C3orf22: variants seen among roughly 807,000 people sequenced by gnomAD.
C3orf22 encodes chromosome 3 open reading frame 22.
A neutral mutation model predicts 10.8 loss-of-function variants in C3orf22; 7 were observed. That is an observed-to-expected ratio of 0.65 (90% CI 0.37 to 1.22). The LOEUF is 1.22. Among genes scored for constraint, C3orf22 ranks in the 50% most tolerant of loss-of-function variants. The probability of loss-of-function intolerance (pLI) is 0.02; values close to 1 mark genes in which losing one functional copy is unlikely to be tolerated. For missense variants in C3orf22, 173 were observed against 177.0 expected, an observed-to-expected ratio of 0.98 and a Z score of 0.13; for synonymous variants, 79 against 78.9, an observed-to-expected ratio of 1.00 and a Z score of 0.00.
Position 126,558,884 on chromosome 3 carries a change from T to G in C3orf22, c.-298A>C, listed in dbSNP as rs1293212632. 1.3e-5 allele frequency: 2 copies of G among 152,308 alleles called. No homozygotes were observed. Among genetic ancestry groups the G allele is most frequent in the African/African-American group, 4.8e-5 (2 of 41,460 alleles). 9.4% of individuals were successfully genotyped at this position (152,308 alleles called of 1,614,324 possible). A position where few individuals can be genotyped will look rare whatever the true frequency, so the allele number is the denominator to read the frequency against. On this transcript the variant is annotated 5_prime_UTR_variant, in exon 1 of 4. Coordinates refer to ENST00000318225, the MANE Select transcript of C3orf22 (RefSeq NM_152533.3). ...GACTGAAGCTGGCCATGGTCCCAGCTGCCACATTACCACAGGAACAGCAGC... is the reference window on the plus strand; with the variant it reads ...GACTGAAGCTGGCCATGGTCCCAGCGGCCACATTACCACAGGAACAGCAGC...
In C3orf22 at chr3:126,552,495, C is replaced by T. The variant is rs552913763; in HGVS notation, c.90-373G>A. 8.5e-4 allele frequency among the ~76,000 whole-genome samples: 129 copies of T among 152,202 alleles called. 2 individuals are homozygous for T. The highest frequency in any genetic ancestry group is 3.0e-3 in the African/African-American group (125 of 41,532). On this transcript the variant is annotated intron_variant, in intron 2 of 3. Transcript: ENST00000318225. ...CCTGGGCCTCATGTGATGGTGTCTG[C>T]GGTGGGGGACAGAATGGGGTGCAAG...
intron 4 of C3orf22, among the ~76,000 whole-genome samples, chr3:126,539,362 T>G (rs1936872071): frequency 6.6e-6 from 1 of 152,080 alleles, no homozygotes; most frequent in Admixed American, 6.5e-5. Flanking sequence ...TCCCACTTAG[T>G]GTATCTTAGA....
At chr3:126,557,543 C>T (rs1413381969) in intron 1 of C3orf22, among the ~76,000 whole-genome samples, 2 of 152,188 alleles carry the variant, frequency 1.3e-5, no homozygotes, top group African/African-American at 2.4e-5. Context: ...GGCTGCCTGC[C>T]GCCAAGTGTG....
At chr3:126,532,743 T>C (rs1356157752) in intron 4 of C3orf22, among the ~76,000 whole-genome samples, 2 of 152,240 alleles carry the variant, frequency 1.3e-5, no homozygotes, top group African/African-American at 4.8e-5. Context: ...CTTTTGGATA[T>C]TCTGAATCCC....
At chr3:126,536,128 A>G (rs1936785117) in intron 4 of C3orf22, 1 of 639,826 alleles carries the variant, frequency 1.6e-6, no homozygotes. Context: ...CCACTCCACC[A>G]AGCCCCTAGG....
At chr3:126,533,392 T>C (rs1255539860) in intron 4 of C3orf22, among the ~76,000 whole-genome samples, 1 of 152,170 alleles carries the variant, frequency 6.6e-6, no homozygotes, top group Non-Finnish European at 1.5e-5. Flanking sequence ...TTGGCAAAGT[T>C]TCCTTCTATT....
intron 4 of C3orf22, among the ~76,000 whole-genome samples, chr3:126,532,580 A>G (rs1420032850): frequency 6.6e-6 from 1 of 152,174 alleles, no homozygotes; most frequent in Non-Finnish European, 1.5e-5. Flanking sequence ...ACTGACCACA[A>G]ATGTAAGGGT....
downstream of C3orf22, among the ~76,000 whole-genome samples, chr3:126,549,235 C>T (rs753062944): frequency 1.1e-5 from 1 of 87,954 alleles, no homozygotes; most frequent in Non-Finnish European, 2.5e-5. Flanking sequence ...ATGATTGCTG[C>T]CTGCTCCTCA....
intron 4 of C3orf22, chr3:126,542,394 C>G (rs765821914): frequency 6.4e-7 from 1 of 1,553,422 alleles, no homozygotes; most frequent in Admixed American, 1.9e-5. Flanking sequence ...CTGGGCCTGG[C>G]GGGCGCATCC....
chr3:126,529,492 G>C, intron 4 of C3orf22: 1 of 886,570 alleles, frequency 1.1e-6, no homozygotes, highest in Non-Finnish European at 1.5e-6. Context: ...TCTGTTTCTG[G>C]CACAGCAAGG....
intron 4 of C3orf22, among the ~76,000 whole-genome samples, chr3:126,530,438 C>G (rs574403516): frequency 6.6e-6 from 1 of 152,182 alleles, no homozygotes; most frequent in African/African-American, 2.4e-5. Context: ...AGGCCTGGGT[C>G]GGCTTCTCAG....
At chr3:126,535,113 G>A (rs1315296495) in intron 4 of C3orf22, among the ~76,000 whole-genome samples, 1 of 103,294 alleles carries the variant, frequency 9.7e-6, no homozygotes, top group Non-Finnish European at 1.9e-5. Context: ...CAGCATCACT[G>A]TCCTCAGCTG....
intron 4 of C3orf22, chr3:126,541,876 C>A: frequency 6.3e-7 from 1 of 1,599,132 alleles, no homozygotes; most frequent in East Asian, 2.3e-5. Flanking sequence ...ATGGCCTGCT[C>A]TACTGCTACG....
chr3:126,532,447 G>T (rs997873420), intron 4 of C3orf22, among the ~76,000 whole-genome samples: 3 of 152,176 alleles, frequency 2.0e-5, no homozygotes, highest in Non-Finnish European at 1.5e-5. Flanking sequence ...GTTTTTGTAT[G>T]TGGTATGAAG....
At chr3:126,551,055 T>G (rs1223677762) in intron 3 of C3orf22, among the ~76,000 whole-genome samples, 1 of 152,108 alleles carries the variant, frequency 6.6e-6, no homozygotes, top group South Asian at 2.1e-4. Flanking sequence ...CTACGGGGAG[T>G]GAGGCCTGGC....
intron 4 of C3orf22, among the ~76,000 whole-genome samples, chr3:126,540,337 C>T (rs901889614): frequency 7.2e-5 from 11 of 152,216 alleles, no homozygotes; most frequent in African/African-American, 2.7e-4. Flanking sequence ...TGATCACCCT[C>T]AAAAGCAGCC....
chr3:126,533,590 A>G (rs1358951570), intron 4 of C3orf22, among the ~76,000 whole-genome samples: 1 of 152,192 alleles, frequency 6.6e-6, no homozygotes, highest in African/African-American at 2.4e-5. Context: ...GTCATGGTGT[A>G]TAAACTTTTT....
chr3:126,539,802 ACAC>A, intron 4 of C3orf22, among the ~76,000 whole-genome samples: 1 of 76,278 alleles, frequency 1.3e-5, no homozygotes, highest in African/African-American at 7.3e-5. Context: ...CACAGACACC[ACAC>A]CACACACCAC....
At chr3:126,531,273 C>A (rs1163315192) in intron 4 of C3orf22, among the ~76,000 whole-genome samples, 1 of 152,214 alleles carries the variant, frequency 6.6e-6, no homozygotes, top group Non-Finnish European at 1.5e-5. Flanking sequence ...GGGCCCCACA[C>A]AAGCTGAAGT....
Sources: gnomAD v4.1 joint callset for allele counts (sites outside exome capture counted in the v4.1 genomes callset) on GRCh38, gnomAD v4.1.1 for gene constraint, MANE v1.5 for transcripts, NCBI Gene and HGNC (gene_info 2026-07-23, HGNC 2026-07-21) for gene names.